Variants in NALF1 observed in about 807,000 individuals in gnomAD.
The protein encoded by NALF1 is NALCN channel auxiliary factor 1, also known as family with sequence similarity 155 member A.
Under a neutral mutation model 48.4 loss-of-function variants are expected in NALF1, and 3 were observed. The observed-to-expected ratio is 0.06, with a 90% confidence interval of 0.03 to 0.16. The LOEUF is 0.16. NALF1 is among the 10% of genes least tolerant of loss of function. NALF1 has a pLI of 1.00. For synonymous variants in NALF1, 262 were observed against 245.7 expected, an observed-to-expected ratio of 1.07 and a Z score of -0.62; for missense variants, 526 against 571.5, an observed-to-expected ratio of 0.92 and a Z score of 0.81.
At chr13:107,347,349 C>T (rs914321382) in intron 1 of NALF1, among the ~76,000 whole-genome samples, 3 of 152,208 alleles carry the variant, frequency 2.0e-5, no homozygotes, top group Admixed American at 2.0e-4. Context: ...CCTCCTCAGC[C>T]CTGCTGAAAC....
chr13:107,590,561 A>G (rs1356554233), intron 1 of NALF1, among the ~76,000 whole-genome samples: 1 of 152,028 alleles, frequency 6.6e-6, no homozygotes, highest in East Asian at 1.9e-4. Flanking sequence ...ATATTTGGTG[A>G]CATCAAGAAA....
At chr13:107,482,911 C>T (rs1423351948) in intron 1 of NALF1, among the ~76,000 whole-genome samples, 1 of 152,204 alleles carries the variant, frequency 6.6e-6, no homozygotes, top group African/African-American at 2.4e-5. Flanking sequence ...CTGTCATCCT[C>T]CTGGCCTCAG....
chr13:107,633,814 A>ATATT, intron 1 of NALF1, among the ~76,000 whole-genome samples: 1 of 147,926 alleles, frequency 6.8e-6, no homozygotes, highest in African/African-American at 2.5e-5. Context: ...GGATATACAT[A>ATATT]CATATCCTGT....
intron 1 of NALF1, among the ~76,000 whole-genome samples, chr13:107,419,014 C>T (rs1884140144): frequency 6.6e-6 from 1 of 152,118 alleles, no homozygotes; most frequent in Non-Finnish European, 1.5e-5. Flanking sequence ...CATAATTCTA[C>T]CCAATGCAAA....
chr13:107,188,780 G>A (rs2138782342), intron 2 of NALF1, among the ~76,000 whole-genome samples: 1 of 152,268 alleles, frequency 6.6e-6, no homozygotes, highest in South Asian at 2.1e-4. Flanking sequence ...TTTGTTTAAT[G>A]AGGGAAGGAA....
At chr13:107,671,320 G>A (rs1880985391) in intron 1 of NALF1, among the ~76,000 whole-genome samples, 2 of 151,960 alleles carry the variant, frequency 1.3e-5, no homozygotes, top group South Asian at 4.1e-4. Context: ...AATTACACAG[G>A]GGAGTTTTTC....
chr13:107,829,280 T>C (rs1288902443), intron 1 of NALF1, among the ~76,000 whole-genome samples: 2 of 152,194 alleles, frequency 1.3e-5, no homozygotes, highest in Non-Finnish European at 2.9e-5. Flanking sequence ...AACACCAATA[T>C]TGAGCAGTAA....
At chr13:107,747,983 T>C (rs1876831890) in intron 1 of NALF1, among the ~76,000 whole-genome samples, 1 of 152,218 alleles carries the variant, frequency 6.6e-6, no homozygotes, top group South Asian at 2.1e-4. Context: ...ATAAGGAACA[T>C]CGTAAGTAAA....
chr13:107,347,592 G>C (rs951865972), intron 1 of NALF1, among the ~76,000 whole-genome samples: 3 of 152,162 alleles, frequency 2.0e-5, no homozygotes, highest in Non-Finnish European at 4.4e-5. Flanking sequence ...GCCATGTCAA[G>C]TAACAATGAG....
At chr13:107,227,643 T>C (rs1170524491) in intron 1 of NALF1, among the ~76,000 whole-genome samples, 8 of 152,134 alleles carry the variant, frequency 5.3e-5, no homozygotes, top group African/African-American at 1.9e-4. Context: ...GCAGTCAACA[T>C]CCCTCCCCCA....
In NALF1 at chr13:107,166,874, C is replaced by T. The variant is rs1461274947; in HGVS notation, c.*3623G>A. On this transcript the variant is annotated 3_prime_UTR_variant, in exon 3 of 3. Transcript: ENST00000375915. ...TTTTAATGACTACAGGTTCTAGTACCTAAGGTACCAATTTATTGGTAAGAA... is the reference window on the plus strand; with the variant it reads ...TTTTAATGACTACAGGTTCTAGTACTTAAGGTACCAATTTATTGGTAAGAA... 6.6e-6 allele frequency: 1 copy of T among 151,916 alleles called. No individual in the cohort carries two copies. The highest frequency in any genetic ancestry group is 2.4e-5 in the African/African-American group (1 of 41,340). The allele number at this position is 151,916 out of a possible 1,614,324, so 9.4% of individuals were successfully genotyped here. A position where few individuals can be genotyped will look rare whatever the true frequency, so the allele number is the denominator to read the frequency against.
chr13:107,740,112 T>C (rs35745311), intron 1 of NALF1, among the ~76,000 whole-genome samples: 3 of 152,148 alleles, frequency 2.0e-5, no homozygotes, highest in Non-Finnish European at 4.4e-5. Flanking sequence ...GGAAAAATTG[T>C]CCACAAAACC....
chr13:107,773,978 T>C (rs949082847), intron 1 of NALF1, among the ~76,000 whole-genome samples: 2 of 151,508 alleles, frequency 1.3e-5, no homozygotes, highest in African/African-American at 4.8e-5. Flanking sequence ...TGCAGATAGA[T>C]TTCCCCCTTA....
At chr13:107,550,746 T>C (rs1877268942) in intron 1 of NALF1, among the ~76,000 whole-genome samples, 1 of 152,140 alleles carries the variant, frequency 6.6e-6, no homozygotes, top group Admixed American at 6.6e-5. Context: ...GAAAGAAGGG[T>C]GAGTTTTGCA....
At chr13:107,631,882 T>A (rs1374478255) in intron 1 of NALF1, among the ~76,000 whole-genome samples, 1 of 152,042 alleles carries the variant, frequency 6.6e-6, no homozygotes, top group East Asian at 1.9e-4. Context: ...GCCACATAAT[T>A]CTCTCTCGTG....
At chr13:107,617,389 CTA>C (rs1879407687) in intron 1 of NALF1, among the ~76,000 whole-genome samples, 1 of 152,086 alleles carries the variant, frequency 6.6e-6, no homozygotes, top group Non-Finnish European at 1.5e-5. Flanking sequence ...CCAAAGGATT[CTA>C]TGTTTGGCTT....
At chr13:107,738,480 C>T (rs1876529942) in intron 1 of NALF1, among the ~76,000 whole-genome samples, 1 of 152,162 alleles carries the variant, frequency 6.6e-6, no homozygotes, top group Non-Finnish European at 1.5e-5. Context: ...GACACTTTCT[C>T]ATTCTTCTAA....
chr13:107,752,503 T>G (rs187511995), intron 1 of NALF1, among the ~76,000 whole-genome samples: 1 of 152,096 alleles, frequency 6.6e-6, no homozygotes, highest in Non-Finnish European at 1.5e-5. Flanking sequence ...TGTGGGTGTG[T>G]GTGTAATGGA....
intron 1 of NALF1, among the ~76,000 whole-genome samples, chr13:107,742,702 C>T (rs957224734): frequency 2.0e-5 from 3 of 152,096 alleles, no homozygotes; most frequent in African/African-American, 7.2e-5. Flanking sequence ...AAGGTTATTC[C>T]CCTGGTTATT....
Sources: allele counts gnomAD v4.1 joint callset (sites outside exome capture counted in the v4.1 genomes callset), GRCh38; gene constraint gnomAD v4.1.1; transcripts MANE v1.5; gene names NCBI Gene and HGNC (gene_info 2026-07-23, HGNC 2026-07-21).